Variants in KCTD12 observed in about 807,000 individuals in gnomAD.
The protein encoded by KCTD12 is potassium channel tetramerization domain containing 12.
In KCTD12, 16 loss-of-function variants were observed where a neutral mutation model predicts 22.6. The observed-to-expected ratio is 0.71, with a 90% confidence interval of 0.48 to 1.07. The LOEUF (loss-of-function observed/expected upper bound fraction) is 1.07. KCTD12 is among the 50% of genes least tolerant of loss of function. The pLI is 0.00. For synonymous variants in KCTD12, 260 were observed against 228.0 expected, an observed-to-expected ratio of 1.14 and a Z score of -1.26; for missense variants, 452 against 469.2, an observed-to-expected ratio of 0.96 and a Z score of 0.34.
chr13:76,886,114 T>TGG lies in KCTD12; in HGVS notation c.34_35insCC (p.Asn12ThrfsTer28). On this transcript the variant is annotated frameshift_variant, in exon 1 of 1. Transcript: ENST00000377474. LOFTEE classifies it high-confidence loss of function. ...ACTGCCGCCCCCGCCGCCGCCCCCG[T>TGG]TGGGTAATCCACGTGTGCTGTCCGC... 6.5e-7 allele frequency: 1 copy of TGG among 1,535,762 alleles called. No individual in the cohort carries two copies. Among genetic ancestry groups the TGG allele is most frequent in the Non-Finnish European group, 8.8e-7 (1 of 1,142,004 alleles).
At position 76,885,612 on chromosome 13, in the gene KCTD12, C is replaced by T; in HGVS notation, c.537G>A (p.Leu179=). The change falls in exon 1 of 1, where the codon CTG becomes CTA. Residue 179 remains leucine (L), a synonymous_variant. Coordinates refer to ENST00000377474, the MANE Select transcript of KCTD12 (RefSeq NM_138444.4). This position sits in a 1 kb window ranked among gnomAD's most constrained non-coding sequence, Gnocchi z 5.1. The part of the protein sequence containing the change: ...GASAGAPSPT[L]ELASRSPSGG... ...CGGACGGACTGCGGCTAGCCAGCTC[C>T]AGCGTGGGCGACGGCGCCCCGGCAG... The T allele has an allele frequency of 6.6e-7, 1 of 1,508,178 alleles. No individual in the cohort carries two copies. The highest frequency in any genetic ancestry group is 8.8e-7 in the Non-Finnish European group (1 of 1,139,372). The allele number at this position is 1,508,178 out of a possible 1,614,324, so 93.4% of individuals were successfully genotyped here. A position where few individuals can be genotyped will look rare whatever the true frequency, so the allele number is the denominator to read the frequency against.
chr13:76,885,172 C>T lies in KCTD12; in HGVS notation c.977G>A (p.Ter326=). The change falls in exon 1 of 1, where the codon TGA becomes TAA. Residue 326 remains the stop codon, a stop_retained_variant. Transcript: ENST00000377474. This position sits in a 1 kb window ranked among gnomAD's most constrained non-coding sequence, Gnocchi z 5.1. ...GAGTGGCGAGGGGGTCTGGGGAGCT[C>T]ACTCCCTGCAGAAGACGTACTCGGT... ...SYTEYVFCRE[*] 1 of 1,610,900 alleles carries T rather than the reference C, an allele frequency of 6.2e-7. No homozygotes were observed. The highest frequency in any genetic ancestry group is 8.5e-7 in the Non-Finnish European group (1 of 1,177,826).
chr13:76,885,158 G>C lies in KCTD12; in HGVS notation c.*13C>G. ...AGGACTGGGCGCTGGAGTGGCGAGG[G>C]GGTCTGGGGAGCTCACTCCCTGCAG... On this transcript the variant is annotated 3_prime_UTR_variant, in exon 1 of 1. Transcript: ENST00000377474. This position sits in a 1 kb window ranked among gnomAD's most constrained non-coding sequence, Gnocchi z 5.1. The C allele has an allele frequency of 6.2e-7, 1 of 1,604,834 alleles. No homozygotes were observed.
Position 76,880,974 on chromosome 13 carries a change from G to A in KCTD12, c.*4197C>T, listed in dbSNP as rs965140434. 4 of 152,276 alleles carry A rather than the reference G, an allele frequency of 2.6e-5. No individual in the cohort carries two copies. The highest frequency in any genetic ancestry group is 7.2e-5 in the African/African-American group (3 of 41,562). 9.4% of individuals were successfully genotyped at this position (152,276 alleles called of 1,614,324 possible). A position where few individuals can be genotyped will look rare whatever the true frequency, so the allele number is the denominator to read the frequency against. On this transcript the variant is annotated 3_prime_UTR_variant, in exon 1 of 1. Transcript: ENST00000377474. ...GAAGGGCCCCAGTAGAAAATCAAGT[G>A]TTAATACTTTCAGATTTTTATTGTC...
chr13:76,885,739 G>A lies in KCTD12; in HGVS notation c.410C>T (p.Pro137Leu), dbSNP rs896348208. ...CCCGCGCCGCGAGGGCGGCGGCCCC[G>A]GGCCGGGCTGCTGGGGCGCCCCGAG... ...RRLGAPQQPG[P>L]GPPPSRRGVH... Residue 137 changes from proline to leucine, a missense_variant, in exon 1 of 1, where the codon CCG (proline) becomes CTG (leucine). This residue lies in a region of KCTD12 where 330 missense variants were observed against 296.5 expected (regional missense o/e 1.11). Transcript: ENST00000377474. This position sits in a 1 kb window ranked among gnomAD's most constrained non-coding sequence, Gnocchi z 5.1. 9.7e-6 allele frequency: 14 copies of A among 1,435,966 alleles called. No homozygotes were observed. The African/African-American group carries it at 1.8e-4, about 18-fold the overall frequency. 89.0% of individuals were successfully genotyped at this position (1,435,966 alleles called of 1,614,324 possible).
In KCTD12 at chr13:76,886,288, ACCG is replaced by A. The variant is rs1555308972; in HGVS notation, c.-143_-141del. On this transcript the variant is annotated 5_prime_UTR_variant, in exon 1 of 1. Coordinates refer to ENST00000377474, the MANE Select transcript of KCTD12 (RefSeq NM_138444.4). ...CGCCGCCGCCGCCGCCACCGCCGCC[ACCG>A]CCACCGCCGCCACCTCCTAGAGCCG... The A allele has an allele frequency of 2.1e-4, 219 of 1,047,596 alleles. No homozygotes were observed. Among genetic ancestry groups the A allele is most frequent in the Middle Eastern group, 3.4e-4 (1 of 2,984 alleles). The allele number at this position is 1,047,596 out of a possible 1,614,324, so 64.9% of individuals were successfully genotyped here.
chr13:76,885,097 G>T lies in KCTD12; in HGVS notation c.*74C>A, dbSNP rs1040660532. 2.5e-5 allele frequency: 38 copies of T among 1,527,030 alleles called. No homozygotes were observed. In the Admixed American group the frequency reaches 6.3e-4, roughly 25 times the overall value. The allele number at this position is 1,527,030 out of a possible 1,614,324, so 94.6% of individuals were successfully genotyped here. On this transcript the variant is annotated 3_prime_UTR_variant, in exon 1 of 1. Coordinates refer to ENST00000377474, the MANE Select transcript of KCTD12 (RefSeq NM_138444.4). This position sits in a 1 kb window ranked among gnomAD's most constrained non-coding sequence, Gnocchi z 5.1. ...GGCAGCAGCCAGGGGACAAAGGTGGGACAAGAGGCTCTGTAATCATCTCTC... is the reference window on the plus strand; with the variant it reads ...GGCAGCAGCCAGGGGACAAAGGTGGTACAAGAGGCTCTGTAATCATCTCTC...
chr13:76,881,812 G>A lies in KCTD12; in HGVS notation c.*3359C>T, dbSNP rs2033206735. 1 of 148,340 alleles carries A rather than the reference G, an allele frequency of 6.7e-6. No individual in the cohort carries two copies. The highest frequency in any genetic ancestry group is 2.5e-5 in the African/African-American group (1 of 40,068). 9.2% of individuals were successfully genotyped at this position (148,340 alleles called of 1,614,324 possible). ...TTAAAAAACATGTCAATTACTTGGT[G>A]CAAACACACAGAACCTGGTACCTGT... On this transcript the variant is annotated 3_prime_UTR_variant, in exon 1 of 1. Transcript: ENST00000377474.
chr13:76,885,254 T>A lies in KCTD12; in HGVS notation c.895A>T (p.Thr299Ser), dbSNP rs971768684. The A allele has an allele frequency of 1.2e-6, 2 of 1,613,844 alleles. No homozygotes were observed. The highest frequency in any genetic ancestry group is 8.5e-7 in the Non-Finnish European group (1 of 1,180,008). ...TCGGTGCTGCTGGCAAAGGCGCAGG[T>A]GCCCGTGGAGCTGCACGCCACCATG... ...FHMVACSSTGTCAFASSTDQS... is the reference protein window; with the variant it reads ...FHMVACSSTGSCAFASSTDQS... The change falls in exon 1 of 1, where the codon ACC becomes TCC. Residue 299 changes from threonine to serine, a missense_variant. By Grantham distance (58) the Thr-to-Ser change is moderately conservative. Coordinates refer to ENST00000377474, the MANE Select transcript of KCTD12 (RefSeq NM_138444.4). The surrounding 1 kb of genome is among the most constrained non-coding windows in gnomAD (Gnocchi z 5.1).
Position 76,886,330 on chromosome 13 carries a change from G to C in KCTD12, c.-182C>G. On this transcript the variant is annotated 5_prime_UTR_variant, in exon 1 of 1. Coordinates refer to ENST00000377474, the MANE Select transcript of KCTD12 (RefSeq NM_138444.4). ...CTCCTAGAGCCGCGCGGAGCCGAGC[G>C]GTGCGAGCGCGCCGCTGTGCGCCCC... is the stretch of plus-strand genomic sequence containing the variant. 1 of 605,410 alleles carries C rather than the reference G, an allele frequency of 1.7e-6. No individual in the cohort carries two copies. The highest frequency in any genetic ancestry group is 2.3e-6 in the Non-Finnish European group (1 of 432,412). 37.5% of individuals were successfully genotyped at this position (605,410 alleles called of 1,614,324 possible). A position where few individuals can be genotyped will look rare whatever the true frequency, so the allele number is the denominator to read the frequency against.
rs1198636869 is a variant in KCTD12, at chr13:76,883,488, G to C, written c.*1683C>G. The C allele has an allele frequency of 1.3e-5, 2 of 152,642 alleles. No individual in the cohort carries two copies. Among genetic ancestry groups the C allele is most frequent in the Non-Finnish European group, 2.9e-5 (2 of 68,042 alleles). 9.5% of individuals were successfully genotyped at this position (152,642 alleles called of 1,614,324 possible). A position where few individuals can be genotyped will look rare whatever the true frequency, so the allele number is the denominator to read the frequency against. On this transcript the variant is annotated 3_prime_UTR_variant, in exon 1 of 1. Coordinates refer to ENST00000377474, the MANE Select transcript of KCTD12 (RefSeq NM_138444.4). ...ATGGTTTACATAGGATATGCATTGG[G>C]AATTTATTCCATGTAAGAGTAAAGG...
At position 76,885,716 on chromosome 13, in the gene KCTD12, C is replaced by T. The variant is rs2033260212; in HGVS notation, c.433G>A (p.Gly145Arg). Residue 145 changes from glycine to arginine, a missense_variant, in exon 1 of 1, where the codon GGG (glycine) becomes AGG (arginine). Physicochemically the swap from Gly to Arg is moderately radical, Grantham distance 125. Transcript: ENST00000377474. The surrounding 1 kb of genome is among the most constrained non-coding windows in gnomAD (Gnocchi z 5.1). Reference sequence around the variant, plus strand: ...CCCAGCGAGCCCTCCTTGTGCACCCCGCGCCGCGAGGGCGGCGGCCCCGGG... The same window carrying T: ...CCCAGCGAGCCCTCCTTGTGCACCCTGCGCCGCGAGGGCGGCGGCCCCGGG... Reference protein sequence around the residue: ...PGPGPPPSRRGVHKEGSLGDE... With the variant: ...PGPGPPPSRRRVHKEGSLGDE... 2.1e-6 allele frequency: 3 copies of T among 1,407,226 alleles called. No individual in the cohort carries two copies. The highest frequency in any genetic ancestry group is 2.1e-4 in the Middle Eastern group (1 of 4,674). The allele number at this position is 1,407,226 out of a possible 1,614,324, so 87.2% of individuals were successfully genotyped here.
chr13:76,886,336 A>T lies in KCTD12; in HGVS notation c.-188T>A, dbSNP rs1401810142. 5 of 550,382 alleles carry T rather than the reference A, an allele frequency of 9.1e-6. No individual in the cohort carries two copies. The East Asian group carries it at 1.9e-4, about 21-fold the overall frequency. 34.1% of individuals were successfully genotyped at this position (550,382 alleles called of 1,614,324 possible). A position where few individuals can be genotyped will look rare whatever the true frequency, so the allele number is the denominator to read the frequency against. ...GAGCCGCGCGGAGCCGAGCGGTGCG[A>T]GCGCGCCGCTGTGCGCCCCCTTGAG... On this transcript the variant is annotated 5_prime_UTR_variant, in exon 1 of 1. Transcript: ENST00000377474.
At position 76,881,546 on chromosome 13, in the gene KCTD12, T is replaced by C. The variant is rs1228107534; in HGVS notation, c.*3625A>G. Reference sequence around the variant, plus strand: ...CTCATTTTGTCTGATATTAACAGATTATGCATTTCCTCAGAGAAGCAGTAG... The same window carrying C: ...CTCATTTTGTCTGATATTAACAGATCATGCATTTCCTCAGAGAAGCAGTAG... On this transcript the variant is annotated 3_prime_UTR_variant, in exon 1 of 1. Transcript: ENST00000377474. 1 of 152,608 alleles carries C rather than the reference T, an allele frequency of 6.6e-6. No individual in the cohort carries two copies. Among genetic ancestry groups the C allele is most frequent in the South Asian group, 2.1e-4 (1 of 4,830 alleles). 9.5% of individuals were successfully genotyped at this position (152,608 alleles called of 1,614,324 possible).
In KCTD12 at chr13:76,885,845, C is replaced by A; in HGVS notation, c.304G>T (p.Val102Leu). 1 of 1,596,412 alleles carries A rather than the reference C, an allele frequency of 6.3e-7. No homozygotes were observed. ...CGCTCGGGGAAGTAGTCGGGCAGCA[C>A]GAGCTGCAAGTCCCGCAGGTAATCC... ...ILDYLRDLQL[V>L]LPDYFPERSR... Residue 102 changes from valine to leucine, a missense_variant, in exon 1 of 1, where the codon GTG (valine) becomes TTG (leucine). Physicochemically the swap from Val to Leu is conservative, Grantham distance 32. Around this residue, in one of 2 missense-constraint regions of KCTD12, gnomAD observed 330 missense variants for 296.5 expected, o/e 1.11. Transcript: ENST00000377474. The surrounding 1 kb of genome is among the most constrained non-coding windows in gnomAD (Gnocchi z 5.1).
In KCTD12 at chr13:76,885,735, C is replaced by T; in HGVS notation, c.414G>A (p.Gly138=). 7.0e-7 allele frequency: 1 copy of T among 1,422,444 alleles called. No homozygotes were observed. The highest frequency in any genetic ancestry group is 9.1e-7 in the Non-Finnish European group (1 of 1,101,782). 88.1% of individuals were successfully genotyped at this position (1,422,444 alleles called of 1,614,324 possible). A position where few individuals can be genotyped will look rare whatever the true frequency, so the allele number is the denominator to read the frequency against. The change falls in exon 1 of 1, where the codon GGG becomes GGA. Residue 138 remains glycine (G), a synonymous_variant. Transcript: ENST00000377474. The surrounding 1 kb of genome is among the most constrained non-coding windows in gnomAD (Gnocchi z 5.1). ...RLGAPQQPGP[G]PPPSRRGVHK... ...GCACCCCGCGCCGCGAGGGCGGCGG[C>T]CCCGGGCCGGGCTGCTGGGGCGCCC...
At position 76,884,966 on chromosome 13, in the gene KCTD12, AAAG is replaced by A; in HGVS notation, c.*202_*204del. ...TGGGTTCTCTCGGTTCAGGAGGTCC[AAAG>A]AAGACGAAGCAGCCCAGAGGATTTG... On this transcript the variant is annotated 3_prime_UTR_variant, in exon 1 of 1. Coordinates refer to ENST00000377474, the MANE Select transcript of KCTD12 (RefSeq NM_138444.4). 1.7e-6 allele frequency: 1 copy of A among 594,146 alleles called. No individual in the cohort carries two copies. Among genetic ancestry groups the A allele is most frequent in the East Asian group, 2.9e-5 (1 of 34,134 alleles). The allele number at this position is 594,146 out of a possible 1,614,324, so 36.8% of individuals were successfully genotyped here.
chr13:76,885,165 G>A lies in KCTD12; in HGVS notation c.*6C>T, dbSNP rs574472215. On this transcript the variant is annotated 3_prime_UTR_variant, in exon 1 of 1. Coordinates refer to ENST00000377474, the MANE Select transcript of KCTD12 (RefSeq NM_138444.4). This position sits in a 1 kb window ranked among gnomAD's most constrained non-coding sequence, Gnocchi z 5.1. ...GGCGCTGGAGTGGCGAGGGGGTCTGGGGAGCTCACTCCCTGCAGAAGACGT... is the reference window on the plus strand; with the variant it reads ...GGCGCTGGAGTGGCGAGGGGGTCTGAGGAGCTCACTCCCTGCAGAAGACGT... 1.7e-5 allele frequency: 28 copies of A among 1,609,782 alleles called. No homozygotes were observed. In the Admixed American group the frequency reaches 3.3e-4, roughly 19 times the overall value.
Position 76,885,551 on chromosome 13 carries a change from A to C in KCTD12, c.598T>G (p.Ser200Ala). 1 of 1,560,358 alleles carries C rather than the reference A, an allele frequency of 6.4e-7. No individual in the cohort carries two copies. Among genetic ancestry groups the C allele is most frequent in the Middle Eastern group, 1.9e-4 (1 of 5,152 alleles). Residue 200 changes from serine (S) to alanine (A), a missense_variant, in exon 1 of 1, where the codon TCG becomes GCG. Ser to Ala is a moderately conservative substitution (Grantham distance 99). Around this residue, in one of 2 missense-constraint regions of KCTD12, gnomAD observed 330 missense variants for 296.5 expected, o/e 1.11. Coordinates refer to ENST00000377474, the MANE Select transcript of KCTD12 (RefSeq NM_138444.4). This position sits in a 1 kb window ranked among gnomAD's most constrained non-coding sequence, Gnocchi z 5.1. ...AAGPLLTPSQSLDGSRRSGYI... is the reference protein window; with the variant it reads ...AAGPLLTPSQALDGSRRSGYI... Reference sequence around the variant, plus strand: ...CCCGAGCGCCGGCTGCCGTCCAGCGACTGGGACGGCGTGAGCAGCGGGCCC... The same window carrying C: ...CCCGAGCGCCGGCTGCCGTCCAGCGCCTGGGACGGCGTGAGCAGCGGGCCC...
Sources: allele counts gnomAD v4.1 joint callset, GRCh38; gene constraint gnomAD v4.1.1; regional missense constraint gnomAD v4.1.1; non-coding constraint Gnocchi (gnomAD v3.1); transcripts MANE v1.5; gene names NCBI Gene and HGNC (gene_info 2026-07-23, HGNC 2026-07-21).